MXRA5: variants seen among roughly 807,000 people sequenced by gnomAD.
MXRA5 encodes the protein matrix remodeling associated 5, also known as matrix-remodeling-associated protein 5.
A neutral mutation model predicts 112.5 loss-of-function variants in MXRA5; 41 were observed. The ratio of observed to expected loss-of-function variants is 0.36; its 90% CI spans 0.28 to 0.47. The LOEUF is 0.47. Ranked by LOEUF, MXRA5 falls within the 20% of genes least tolerant of loss-of-function variation. MXRA5 has a pLI of 0.99. For synonymous variants in MXRA5, 862 were observed against 900.8 expected (o/e 0.96, Z 0.77); for missense variants, 2,150 against 2,251.0 (o/e 0.96, Z 0.91).
chrX:3,338,573 A>G (rs1217673263), intron 2 of MXRA5, among the ~76,000 whole-genome samples: 2 of 111,501 alleles, frequency 1.8e-5, no homozygotes, highest in East Asian at 5.6e-4. Flanking sequence ...TAGAGATGAT[A>G]GGTAGGTAGA....
Position 3,317,787 on chromosome X carries a change from C to T in MXRA5, c.5894G>A (p.Gly1965Glu), listed in dbSNP as rs1341167871. 25 of 1,208,728 alleles carry T rather than the reference C, an allele frequency of 2.1e-5. No individual in the cohort carries two copies. The highest frequency in any genetic ancestry group is 2.5e-5 in the Non-Finnish European group (22 of 894,725). The change falls in exon 6 of 7, where the codon GGA becomes GAA. Residue 1965 changes from glycine (G) to glutamate (E), a missense_variant. By Grantham distance (98) the Gly-to-Glu change is moderately conservative. Around this residue, in one of 6 missense-constraint regions of MXRA5, gnomAD observed 1,485 missense variants for 1,471.6 expected, o/e 1.01. Coordinates refer to ENST00000217939, the MANE Select transcript of MXRA5 (RefSeq NM_015419.4). ...CAGACACTCCATTGCAATGGTGTCTCCCAGGTAGACAGTGACGTCCTGGTA... is the reference window on the plus strand; with the variant it reads ...CAGACACTCCATTGCAATGGTGTCTTCCAGGTAGACAGTGACGTCCTGGTA... Reference protein sequence around the residue: ...SHYQDVTVYLGDTIAMECLAK... With the variant: ...SHYQDVTVYLEDTIAMECLAK...
Position 3,311,130 on chromosome X carries a change from A to C in MXRA5, c.7073T>G (p.Val2358Gly). 1 of 1,211,346 alleles carries C rather than the reference A, an allele frequency of 8.3e-7. No homozygotes were observed. Among genetic ancestry groups the C allele is most frequent in the Non-Finnish European group, 1.1e-6 (1 of 895,436 alleles). The change falls in exon 7 of 7, where the codon GTG becomes GGG. Residue 2358 changes from valine (V) to glycine (G), a missense_variant. Physicochemically the swap from Val to Gly is moderately radical, Grantham distance 109 (BLOSUM62 -3). Transcript: ENST00000217939. ...IRNKTYLAVQ[V>G]PYGDVVTVAC... Reference sequence around the variant, plus strand: ...TACAGTGACCACGTCTCCATAGGGCACCTGAACCGCCAAGTAAGTCTTGTT... The same window carrying C: ...TACAGTGACCACGTCTCCATAGGGCCCCTGAACCGCCAAGTAAGTCTTGTT...
intron 2 of MXRA5, among the ~76,000 whole-genome samples, chrX:3,338,920 G>A (rs1209300817): frequency 9.2e-6 from 1 of 108,726 alleles, no homozygotes; most frequent in East Asian, 2.9e-4. Flanking sequence ...TAGGTAGGTA[G>A]ACAAGTAATA....
At chrX:3,338,873 A>G (rs1458998627) in intron 2 of MXRA5, among the ~76,000 whole-genome samples, 2 of 110,326 alleles carry the variant, frequency 1.8e-5, no homozygotes, top group Non-Finnish European at 3.8e-5. Context: ...AGACAGGTAG[A>G]GAGATAGATT....
rs377363459 is a variant in MXRA5, at chrX:3,346,289, C to A, written c.-29+226G>T. The stretch of plus-strand genomic sequence containing the variant: ...TAATTAGACCTATTCAGTGCATCCT[C>A]CTTCAAGATCCGGCTCTCCTCCCTA... On this transcript the variant is annotated intron_variant, in intron 1 of 6. Coordinates refer to ENST00000217939, the MANE Select transcript of MXRA5 (RefSeq NM_015419.4). Among the ~76,000 whole-genome samples the A allele has an allele frequency of 7.1e-5, 8 of 112,080 alleles. No individual in the cohort carries two copies. The East Asian group carries it at 1.7e-3, about 24-fold the overall frequency.
chrX:3,340,152 T>G (rs1921881501), intron 2 of MXRA5, among the ~76,000 whole-genome samples: 1 of 111,544 alleles, frequency 9.0e-6, no homozygotes, highest in Admixed American at 9.5e-5. Flanking sequence ...CAGAAACGCT[T>G]TTAGTTTGTC....
Position 3,321,376 on chromosome X carries a change from C to T in MXRA5, c.4309G>A (p.Ala1437Thr), listed in dbSNP as rs1219083685. The T allele has an allele frequency of 4.9e-5, 59 of 1,210,044 alleles. No individual in the cohort carries two copies. Among genetic ancestry groups the T allele is most frequent in the Non-Finnish European group, 6.5e-5 (58 of 895,184 alleles). The change falls in exon 5 of 7, where the codon GCT (alanine) becomes ACT (threonine). Residue 1437 changes from alanine to threonine, a missense_variant. Coordinates refer to ENST00000217939, the MANE Select transcript of MXRA5 (RefSeq NM_015419.4). ...CTTGAGAGAGTTGTGGAAGAACCAG[C>T]TTCTTCCTGGTGAAATGGTGTGGAG... ...TVSTPFHQEE[A>T]GSSTTLSSIK... is the part of the protein sequence containing the mutation.
chrX:3,316,826 G>A (rs1921148738), intron 6 of MXRA5, among the ~76,000 whole-genome samples: 2 of 108,712 alleles, frequency 1.8e-5, no homozygotes, highest in Non-Finnish European at 3.8e-5. Flanking sequence ...ACAGACGCTC[G>A]CCACAATGCC....
At position 3,317,488 on chromosome X, in the gene MXRA5, T is replaced by A. The variant is rs778908671; in HGVS notation, c.6193A>T (p.Ile2065Phe). 2 of 1,195,259 alleles carry A rather than the reference T, an allele frequency of 1.7e-6. No homozygotes were observed. The change falls in exon 6 of 7, where the codon ATT becomes TTT. Residue 2065 changes from isoleucine to phenylalanine, a missense_variant. This residue lies in a region of MXRA5 where 1,485 missense variants were observed against 1,471.6 expected (regional missense o/e 1.01). Transcript: ENST00000217939. ...GCCTTGGCAGTGCAGTGAATGTGAA[T>A]GCTGAGCCCCGGGGGCAGCGAGATG... Reference protein sequence around the residue: ...ENISLPPGLSIHIHCTAKAAP... With the variant: ...ENISLPPGLSFHIHCTAKAAP...
rs1477306118 is a variant in MXRA5 at position 3,321,315 on chromosome X, G to T, written c.4370C>A (p.Thr1457Asn). 1 of 1,211,700 alleles carries T rather than the reference G, an allele frequency of 8.3e-7. No homozygotes were observed. ...AAGATGATCTTGATCAAGGGTGGTG[G>T]TTTCTGCCTGACTTGAAGCCACCTC... ...KVEVASSQAETTTLDQDHLET... is the reference protein window; with the variant it reads ...KVEVASSQAENTTLDQDHLET... The change falls in exon 5 of 7, where the codon ACC becomes AAC. Residue 1457 changes from threonine (T) to asparagine (N), a missense_variant. By Grantham distance (65) the Thr-to-Asn change is moderately conservative. Around this residue, in one of 6 missense-constraint regions of MXRA5, gnomAD observed 1,485 missense variants for 1,471.6 expected, o/e 1.01. Transcript: ENST00000217939.
Position 3,317,795 on chromosome X carries a change from G to C in MXRA5, c.5886C>G (p.Val1962=). Reference sequence around the variant, plus strand: ...CCATTGCAATGGTGTCTCCCAGGTAGACAGTGACGTCCTGGTAGTGGGAGG... The same window carrying C: ...CCATTGCAATGGTGTCTCCCAGGTACACAGTGACGTCCTGGTAGTGGGAGG... ...ILASHYQDVT[V]YLGDTIAMEC... Residue 1962 remains valine, a synonymous_variant, in exon 6 of 7, where the codon GTC becomes GTG. Coordinates refer to ENST00000217939, the MANE Select transcript of MXRA5 (RefSeq NM_015419.4). 1 of 1,211,098 alleles carries C rather than the reference G, an allele frequency of 8.3e-7. No individual in the cohort carries two copies. The highest frequency in any genetic ancestry group is 1.1e-6 in the Non-Finnish European group (1 of 895,222).
chrX:3,344,157 C>CGA (rs377198782), intron 1 of MXRA5, among the ~76,000 whole-genome samples: 2,790 of 96,200 alleles, frequency 0.029, 60 homozygotes, highest in African/African-American at 0.071. Flanking sequence ...CAGAGAGAGA[C>CGA]GAGAGAGAGA....
rs770454330 is a variant in MXRA5 at position 3,315,959 on chromosome X, C to CTT, written c.6578+1142_6578+1143dup. Among the ~76,000 whole-genome samples the CTT allele has an allele frequency of 3.6e-3, 346 of 97,211 alleles. 2 individuals carry two copies. The highest frequency in any genetic ancestry group is 0.013 in the African/African-American group (334 of 26,317). The allele number at this position is 97,211 out of a possible 115,157, so 84.4% of individuals were successfully genotyped here. A position where few individuals can be genotyped will look rare whatever the true frequency, so the allele number is the denominator to read the frequency against. On this transcript the variant is annotated intron_variant, in intron 6 of 6. Transcript: ENST00000217939. ...TTCTTGGTTCATTTATCCTTTTTTC[C>CTT]TTTTTTTTTTTATGGGGCAAGAGAG...
rs1044930959 is a variant in MXRA5 at position 3,324,938 on chromosome X, G to A, written c.747C>T (p.Gly249=). 35 of 1,187,918 alleles carry A rather than the reference G, an allele frequency of 2.9e-5. No homozygotes were observed. The highest frequency in any genetic ancestry group is 6.9e-5 in the Admixed American group (3 of 43,762). Residue 249 remains glycine, a synonymous_variant, in exon 5 of 7, where the codon GGC becomes GGT. Coordinates refer to ENST00000217939, the MANE Select transcript of MXRA5 (RefSeq NM_015419.4). ...LKCKKDKAYE[G]GQLCAMCFSP... ...TGAAGCACATTGCACACAACTGACC[G>A]CCTTCATAAGCTTTGTCCTTTTTAC...
chrX:3,315,963 T>C (rs1175682657), intron 6 of MXRA5, among the ~76,000 whole-genome samples: 1 of 105,820 alleles, frequency 9.5e-6, no homozygotes, highest in Non-Finnish European at 1.9e-5. Context: ...TTTTTCCTTT[T>C]TTTTTTTATG....
chrX:3,325,804 A>ACATATATTTATAAATAAATATATAAT (rs2146924555), intron 4 of MXRA5, among the ~76,000 whole-genome samples: 1 of 30,331 alleles, frequency 3.3e-5, no homozygotes, highest in African/African-American at 9.2e-5. Context: ...TTATAGATGT[A>ACATATATTTATAAATAAATATATAAT]CATATATTTA....
At position 3,319,994 on chromosome X, in the gene MXRA5, C is replaced by A; in HGVS notation, c.5677+14G>T. ...TGACCAAAAAAAAAAAAAGTAGATG[C>A]TTAAACATCTTACCTGTGGAAACCT... is the stretch of plus-strand genomic sequence containing the variant. On this transcript the variant is annotated intron_variant, in intron 5 of 6. Coordinates refer to ENST00000217939, the MANE Select transcript of MXRA5 (RefSeq NM_015419.4). 1 of 1,126,642 alleles carries A rather than the reference C, an allele frequency of 8.9e-7. No individual in the cohort carries two copies. The highest frequency in any genetic ancestry group is 3.0e-5 in the East Asian group (1 of 33,172). 92.8% of individuals were successfully genotyped at this position (1,126,642 alleles called of 1,213,427 possible). A position where few individuals can be genotyped will look rare whatever the true frequency, so the allele number is the denominator to read the frequency against.
intron 5 of MXRA5, among the ~76,000 whole-genome samples, chrX:3,319,236 T>C (rs1267225629): frequency 8.9e-6 from 1 of 112,373 alleles, no homozygotes; most frequent in African/African-American, 3.2e-5. Context: ...AAGTATGCTG[T>C]AAAAAAAGGA....
rs375376096 is a variant in MXRA5, at chrX:3,322,255, T to C, written c.3430A>G (p.Thr1144Ala). ...QKVAPSSTMS[T>A]HPSRRRPNGR... ...TTGGGTCTCCTTCGAGAAGGGTGAG[T>C]GCTCATGGTGGATGACGGAGCAACT... Residue 1144 changes from threonine (T) to alanine (A), a missense_variant, in exon 5 of 7, where the codon ACT becomes GCT. Thr to Ala is a moderately conservative substitution (Grantham distance 58). Transcript: ENST00000217939. 4 of 1,198,821 alleles carry C rather than the reference T, an allele frequency of 3.3e-6. No homozygotes were observed. The African/African-American group carries it at 7.1e-5, about 21-fold the overall frequency.
Sources: allele counts gnomAD v4.1 joint callset (sites outside exome capture counted in the v4.1 genomes callset), GRCh38; gene constraint gnomAD v4.1.1; regional missense constraint gnomAD v4.1.1; transcripts MANE v1.5; gene names NCBI Gene and HGNC (gene_info 2026-07-23, HGNC 2026-07-21).